Variants in HMBOX1 observed in about 807,000 individuals in gnomAD.
HMBOX1 encodes homeobox-containing protein 1.
Under a neutral mutation model 54.5 loss-of-function variants are expected in HMBOX1, and 14 were observed. That is an observed-to-expected ratio of 0.26 (90% CI 0.17 to 0.40). The LOEUF (loss-of-function observed/expected upper bound fraction) is 0.40, where lower values mean the gene tolerates loss of function less well. Ranked by LOEUF, HMBOX1 falls within the 10% of genes least tolerant of loss-of-function variation. The pLI is 1.00. For synonymous variants in HMBOX1, 160 were observed against 181.0 expected, an observed-to-expected ratio of 0.88 and a Z score of 0.93; for missense variants, 332 against 514.4, an observed-to-expected ratio of 0.65 and a Z score of 3.43.
chr8:28,911,418 C>T (rs1406632815), intron 1 of HMBOX1, among the ~76,000 whole-genome samples: 4 of 152,190 alleles, frequency 2.6e-5, no homozygotes, highest in South Asian at 2.1e-4. Context: ...CGCAGTGGCG[C>T]GATATCAGCT....
At chr8:28,915,360 A>G (rs1175347375) in intron 1 of HMBOX1, among the ~76,000 whole-genome samples, 1 of 151,932 alleles carries the variant, frequency 6.6e-6, no homozygotes, top group African/African-American at 2.4e-5. Flanking sequence ...GATGGAGACC[A>G]TCCTGGCTAA....
chr8:28,929,176 G>A (rs760957157), intron 1 of HMBOX1, among the ~76,000 whole-genome samples: 2 of 152,144 alleles, frequency 1.3e-5, no homozygotes, highest in African/African-American at 2.4e-5. Flanking sequence ...TCTGAGAGGC[G>A]TGGTACAAAA....
chr8:29,040,057 C>T (rs770684326), intron 6 of HMBOX1, among the ~76,000 whole-genome samples: 1 of 152,112 alleles, frequency 6.6e-6, no homozygotes, highest in Non-Finnish European at 1.5e-5. Context: ...ATGCCTGCAG[C>T]CTGTGCACCC....
chr8:29,037,686 ATTTTAAGAATATC>A (rs927823261), intron 6 of HMBOX1, among the ~76,000 whole-genome samples: 3 of 152,190 alleles, frequency 2.0e-5, no homozygotes, highest in Admixed American at 2.0e-4. Context: ...GACTAAATCC[ATTTTAAGAATATC>A]CTCTTATTTA....
In HMBOX1 at chr8:29,049,017, A is replaced by G. The variant is rs1806026645; in HGVS notation, c.1094A>G (p.Asp365Gly). 1 of 1,613,892 alleles carries G rather than the reference A, an allele frequency of 6.2e-7. No homozygotes were observed. The highest frequency in any genetic ancestry group is 8.5e-7 in the Non-Finnish European group (1 of 1,179,972). The change falls in exon 9 of 10, where the codon GAT becomes GGT. Residue 365 changes from aspartate (D) to glycine (G), a missense_variant. Transcript: ENST00000287701. Reference sequence around the variant, plus strand: ...AGTCCAGGAGGCCACTCAAACAGTGATGATGTCGACGGGAATGACTACTCT... The same window carrying G: ...AGTCCAGGAGGCCACTCAAACAGTGGTGATGTCGACGGGAATGACTACTCT... ...VQSPGGHSNS[D>G]DVDGNDYSEQ...
chr8:28,910,383 C>T (rs555969732), intron 1 of HMBOX1, among the ~76,000 whole-genome samples: 189 of 152,128 alleles, frequency 1.2e-3, no homozygotes, highest in Non-Finnish European at 2.2e-3. Context: ...CATTTGCATG[C>T]AACTTTTTGG....
intron 2 of HMBOX1, among the ~76,000 whole-genome samples, chr8:28,968,128 C>T (rs564532620): frequency 3.3e-5 from 5 of 152,258 alleles, no homozygotes; most frequent in East Asian, 1.9e-4. Context: ...CATTTCACAT[C>T]GGAGGAGAAG....
At chr8:29,043,440 C>T (rs1455416644) in intron 6 of HMBOX1, among the ~76,000 whole-genome samples, 1 of 152,230 alleles carries the variant, frequency 6.6e-6, no homozygotes, top group Non-Finnish European at 1.5e-5. Context: ...GTCCATACAT[C>T]CTATGGCATT....
intron 1 of HMBOX1, among the ~76,000 whole-genome samples, chr8:28,918,503 ATGT>A (rs1387967563): frequency 6.6e-6 from 1 of 152,136 alleles, no homozygotes; most frequent in Non-Finnish European, 1.5e-5. Context: ...ACGCCTGGCC[ATGT>A]TGTTTCTTTT....
At chr8:28,893,758 A>G (rs982905279) in intron 1 of HMBOX1, among the ~76,000 whole-genome samples, 3 of 152,116 alleles carry the variant, frequency 2.0e-5, no homozygotes, top group African/African-American at 4.8e-5. Flanking sequence ...TTGGAATTCT[A>G]TTGCTTGTTT....
At chr8:28,902,162 C>T (rs965579911) in intron 1 of HMBOX1, among the ~76,000 whole-genome samples, 1 of 152,126 alleles carries the variant, frequency 6.6e-6, no homozygotes, top group Non-Finnish European at 1.5e-5. Flanking sequence ...TGACTTGCCG[C>T]TGGTAGGGGG....
chr8:29,027,147 T>C (rs186401692), intron 6 of HMBOX1, among the ~76,000 whole-genome samples: 1 of 152,358 alleles, frequency 6.6e-6, no homozygotes, highest in Non-Finnish European at 1.5e-5. Flanking sequence ...TTAAGTAGTT[T>C]ACATATTCTC....
chr8:28,896,060 C>T (rs1311847786), intron 1 of HMBOX1, among the ~76,000 whole-genome samples: 1 of 152,186 alleles, frequency 6.6e-6, no homozygotes, highest in African/African-American at 2.4e-5. Context: ...GTGTCCAAAT[C>T]CTGGTTTTTG....
intron 1 of HMBOX1, among the ~76,000 whole-genome samples, chr8:28,929,933 G>GCCCGCCC (rs1173792790): frequency 2.2e-5 from 1 of 45,044 alleles, no homozygotes; most frequent in African/African-American, 8.4e-5. Context: ...CCCGCCCCCC[G>GCCCGCCC]CCCGCCCCCC....
intron 9 of HMBOX1, chr8:29,049,261 A>G: frequency 2.6e-6 from 4 of 1,526,740 alleles, no homozygotes; most frequent in Non-Finnish European, 3.5e-6. Flanking sequence ...ATCGTTATTC[A>G]CCCACATGGA....
Position 28,970,071 on chromosome 8 carries a change from G to C in HMBOX1, c.52G>C (p.Asp18His). Reference sequence around the variant, plus strand: ...GCTGGAAACCATGTCTCATTATACAGATGAACCCAGATTTACCATAGAGCA... The same window carrying C: ...GCTGGAAACCATGTCTCATTATACACATGAACCCAGATTTACCATAGAGCA... ...VLLETMSHYT[D>H]EPRFTIEQID... Residue 18 changes from aspartate (D) to histidine (H), a missense_variant, in exon 3 of 10, where the codon GAT (aspartate) becomes CAT (histidine). Asp to His is a moderately conservative substitution (Grantham distance 81). Transcript: ENST00000287701. The surrounding 1 kb of genome is among the most constrained non-coding windows in gnomAD (Gnocchi z 4.3). 6.2e-7 allele frequency: 1 copy of C among 1,612,962 alleles called. No individual in the cohort carries two copies. Among genetic ancestry groups the C allele is most frequent in the Admixed American group, 1.7e-5 (1 of 60,004 alleles).
intron 3 of HMBOX1, among the ~76,000 whole-genome samples, chr8:28,972,433 T>C (rs1461923843): frequency 2.0e-5 from 3 of 152,168 alleles, no homozygotes; most frequent in Non-Finnish European, 4.4e-5. Flanking sequence ...GAATTCTTTT[T>C]CATGTGTTAA....
At chr8:28,943,394 G>A (rs769775957) in intron 1 of HMBOX1, among the ~76,000 whole-genome samples, 8 of 152,254 alleles carry the variant, frequency 5.3e-5, no homozygotes, top group Admixed American at 2.6e-4. Flanking sequence ...GCAGTTTGTC[G>A]TGGAAAACTG....
At chr8:28,983,134 C>T (rs2132508463) in intron 4 of HMBOX1, among the ~76,000 whole-genome samples, 1 of 152,300 alleles carries the variant, frequency 6.6e-6, no homozygotes, top group African/African-American at 2.4e-5. Flanking sequence ...TTGTTACAAA[C>T]TTCTTTCACC....
Sources: allele counts gnomAD v4.1 joint callset (sites outside exome capture counted in the v4.1 genomes callset), GRCh38; gene constraint gnomAD v4.1.1; non-coding constraint Gnocchi (gnomAD v3.1); transcripts MANE v1.5; gene names NCBI Gene and HGNC (gene_info 2026-07-23, HGNC 2026-07-21).